STXBP2: variants seen among roughly 807,000 people sequenced by gnomAD.
STXBP2 encodes the protein syntaxin-binding protein 2.
In STXBP2, 47 loss-of-function variants were observed where a neutral mutation model predicts 72.2. That is an observed-to-expected ratio of 0.65 (90% CI 0.51 to 0.83). The LOEUF (loss-of-function observed/expected upper bound fraction) is 0.83, where lower values mean the gene tolerates loss of function less well. Among genes scored for constraint, STXBP2 ranks in the 40% least tolerant of loss-of-function variants. The probability of loss-of-function intolerance (pLI) is 0.00; values close to 1 mark genes in which losing one functional copy is unlikely to be tolerated. For synonymous variants in STXBP2, 367 were observed against 338.7 expected, an observed-to-expected ratio of 1.08 and a Z score of -0.92; for missense variants, 702 against 807.6, an observed-to-expected ratio of 0.87 and a Z score of 1.58.
intron 6 of STXBP2, 55 bp from the exon 7 acceptor site, chr19:7,641,650 G>A: frequency 6.5e-7 from 1 of 1,546,794 alleles, no homozygotes; most frequent in South Asian, 1.2e-5. Context: ...CGGGAAGCGG[G>A]GCAGGTGTGC....
chr19:7,645,982 G>T, intron 15 of STXBP2: 1 of 559,858 alleles, frequency 1.8e-6, no homozygotes, highest in Admixed American at 3.1e-5. Flanking sequence ...TTGTCTCACT[G>T]CTTCTTATCT....
chr19:7,644,078 G>GAATCTC (rs1417897813), intron 13 of STXBP2, among the ~76,000 whole-genome samples: 17 of 148,996 alleles, frequency 1.1e-4, no homozygotes, highest in South Asian at 2.2e-4. Context: ...GTGAGGGGTG[G>GAATCTC]AGCCTTGGAG....
chr19:7,634,677 T>A (rs182756209), upstream of STXBP2, among the ~76,000 whole-genome samples: 2,982 of 143,528 alleles, frequency 0.021, 103 homozygotes, highest in African/African-American at 0.067. Context: ...GCCTTTAAAA[T>A]TTTTTTTTAA....
chr19:7,640,836 G>T (rs2031840531), intron 5 of STXBP2, 27 bp downstream of exon 5: 1 of 1,613,990 alleles, frequency 6.2e-7, no homozygotes, highest in Non-Finnish European at 8.5e-7. Flanking sequence ...TAGGGTGTTG[G>T]TGGGTGGGGC....
chr19:7,632,029 G>C (rs576268654), upstream of STXBP2: 31 of 489,776 alleles, frequency 6.3e-5, no homozygotes, highest in East Asian at 7.5e-4. This position sits in a 1 kb window ranked among gnomAD's most constrained non-coding sequence, Gnocchi z 5.2. Context: ...CAAGCTTCGT[G>C]TATGTGTGAA....
chr19:7,646,429 A>G, intron 16 of STXBP2, 85 bp downstream of exon 16: 1 of 1,236,278 alleles, frequency 8.1e-7, no homozygotes, highest in Non-Finnish European at 1.2e-6. Context: ...GCTAAGCCTC[A>G]GGGCTTAGGG....
rs1416016377 is a variant in STXBP2 at position 7,643,939 on chromosome 19, G to A, written c.1108-675G>A. On this transcript the variant is annotated intron_variant, in intron 13 of 18. Transcript: ENST00000221283. ...TGGAGAGGTAGGAGCTGGGAGACAG[G>A]TAGAGCCATGGAGAGGTGGGATCTG... is the stretch of plus-strand genomic sequence containing the variant. 3.4e-5 allele frequency among the ~76,000 whole-genome samples: 5 copies of A among 148,736 alleles called. No individual in the cohort carries two copies. In the South Asian group the frequency reaches 1.1e-3, roughly 33 times the overall value.
In STXBP2 at chr19:7,642,218, C is replaced by G; in HGVS notation, c.679C>G (p.Arg227Gly). ...CCCACCCCAGGGCCCAGAGAAAACC[C>G]GCTCCCAGCTGCTGATAATGGACCG... Reference protein sequence around the residue: ...PSLGEGPEKTRSQLLIMDRAA... With the variant: ...PSLGEGPEKTGSQLLIMDRAA... The change falls in exon 9 of 19, where the codon CGC (arginine) becomes GGC (glycine). Residue 227 changes from arginine to glycine, a missense_variant. By Grantham distance (125) the Arg-to-Gly change is moderately radical. Coordinates refer to ENST00000221283, the MANE Select transcript of STXBP2 (RefSeq NM_006949.4). This position sits in a 1 kb window ranked among gnomAD's most constrained non-coding sequence, Gnocchi z 6.0. 6.2e-7 allele frequency: 1 copy of G among 1,614,156 alleles called. No homozygotes were observed. The highest frequency in any genetic ancestry group is 8.5e-7 in the Non-Finnish European group (1 of 1,180,016).
chr19:7,635,161 G>A (rs2031477237), upstream of STXBP2, among the ~76,000 whole-genome samples: 1 of 152,212 alleles, frequency 6.6e-6, no homozygotes, highest in Admixed American at 6.5e-5. Context: ...CAAGGGGTCA[G>A]GCTGAGAAGC....
At position 7,646,260 on chromosome 19, in the gene STXBP2, C is replaced by T; in HGVS notation, c.1368C>T (p.Thr456=). 6.2e-7 allele frequency: 1 copy of T among 1,606,724 alleles called. No individual in the cohort carries two copies. Among genetic ancestry groups the T allele is most frequent in the Non-Finnish European group, 8.5e-7 (1 of 1,177,340 alleles). Residue 456 remains threonine, a synonymous_variant, in exon 16 of 19, where the codon ACC becomes ACT. Transcript: ENST00000221283. The part of the protein sequence containing the change: ...GTVTNPGGSG[T]SSRLEPRERM... The stretch of plus-strand genomic sequence containing the variant: ...TGCCCTGCCTGTAGGGCTCGGGGAC[C>T]TCCAGCCGGCTGGAGCCGAGAGAAC...
chr19:7,640,283 T>G (rs912737717), intron 4 of STXBP2: 38 of 558,956 alleles, frequency 6.8e-5, no homozygotes, highest in Non-Finnish European at 1.1e-4. Context: ...TGTATGTGCA[T>G]CTGTGTGCAT....
At chr19:7,634,883 T>A (rs919568971), upstream of STXBP2, among the ~76,000 whole-genome samples, 5 of 152,152 alleles carry the variant, frequency 3.3e-5, no homozygotes, top group Admixed American at 6.5e-5. Context: ...CATGGCATTC[T>A]CCCTCTGTGT....
chr19:7,641,879 C>T lies in STXBP2; in HGVS notation c.578+26C>T, dbSNP rs747100746. On this transcript the variant is annotated intron_variant, in intron 7 of 18. Coordinates refer to ENST00000221283, the MANE Select transcript of STXBP2 (RefSeq NM_006949.4). ...GTGGGGACCCCACCCAGCCCCACCC[C>T]GATGCCGACCCCCCCTTAACCGCGT... is the stretch of plus-strand genomic sequence containing the variant. The T allele has an allele frequency of 6.1e-5, 84 of 1,379,564 alleles. No homozygotes were observed. The Middle Eastern group carries it at 8.0e-4, about 13-fold the overall frequency. 85.5% of individuals were successfully genotyped at this position (1,379,564 alleles called of 1,614,324 possible). A position where few individuals can be genotyped will look rare whatever the true frequency, so the allele number is the denominator to read the frequency against.
chr19:7,630,068 C>A, the STXBP2 span: 1 of 501,200 alleles, frequency 2.0e-6, no homozygotes, highest in Non-Finnish European at 3.3e-6. Context: ...GGTTTGGGGG[C>A]TGTGAGAGGG....
At chr19:7,630,029 C>G in the STXBP2 span, 1 of 771,288 alleles carries the variant, frequency 1.3e-6, no homozygotes, top group Non-Finnish European at 1.8e-6. Flanking sequence ...GGACGCTGGG[C>G]TGGGGGGGTT....
the STXBP2 span, chr19:7,631,635 T>C: frequency 6.9e-7 from 1 of 1,456,178 alleles, no homozygotes; most frequent in Non-Finnish European, 9.1e-7. Flanking sequence ...TTTAAGTGTT[T>C]TATTCTTTTA....
chr19:7,646,183 G>C, intron 15 of STXBP2, 66 bp from the exon 16 acceptor site: 4 of 1,396,002 alleles, frequency 2.9e-6, no homozygotes, highest in Non-Finnish European at 4.0e-6. Flanking sequence ...CACACCAGGC[G>C]CAGCCCCTCT....
chr19:7,638,704 C>T (rs1568463112), intron 1 of STXBP2, 22 bp from the exon 2 acceptor site: 5 of 1,613,848 alleles, frequency 3.1e-6, no homozygotes, highest in Non-Finnish European at 4.2e-6. Context: ...GCATTCTGAC[C>T]CCTCCCCTCC....
chr19:7,639,443 A>G, intron 3 of STXBP2: 1 of 573,066 alleles, frequency 1.7e-6, no homozygotes, highest in Non-Finnish European at 3.1e-6. Context: ...GGGTGACCCC[A>G]GGTGGTGTCC....
Sources: allele counts gnomAD v4.1 joint callset (sites outside exome capture counted in the v4.1 genomes callset), GRCh38; gene constraint gnomAD v4.1.1; non-coding constraint Gnocchi (gnomAD v3.1); transcripts MANE v1.5; gene names NCBI Gene and HGNC (gene_info 2026-07-23, HGNC 2026-07-21).